Variants in GNG2 observed in about 807,000 individuals in gnomAD.
The protein encoded by GNG2 is guanine nucleotide-binding protein G(I)/G(S)/G(O) subunit gamma-2.
Under a neutral mutation model 5.5 loss-of-function variants are expected in GNG2, and 5 were observed. That is an observed-to-expected ratio of 0.91 (90% CI 0.48 to 1.92). GNG2 has a LOEUF of 1.92. Ranked by LOEUF, GNG2 falls within the 30% of genes most tolerant of loss-of-function variation. The pLI, the probability that GNG2 is intolerant of heterozygous loss-of-function variation, is 0.01. For synonymous variants in GNG2, 28 were observed against 32.0 expected (o/e 0.88, Z 0.42); for missense variants, 55 against 88.4 (o/e 0.62, Z 1.52).
chr14:51,889,151 C>T (rs377302786), intron 2 of GNG2, among the ~76,000 whole-genome samples: 6 of 137,544 alleles, frequency 4.4e-5, no homozygotes, highest in Admixed American at 3.3e-4. Flanking sequence ...CTCGCTCTGT[C>T]GCCTAGGCTG....
At chr14:51,959,426 C>A (rs1167338593) in intron 3 of GNG2, among the ~76,000 whole-genome samples, 1 of 152,062 alleles carries the variant, frequency 6.6e-6, no homozygotes, top group African/African-American at 2.4e-5. Flanking sequence ...TAGAGTTATC[C>A]TTAATTTTCC....
At chr14:51,830,657 C>G (rs1566637811) in intron 2 of GNG2, among the ~76,000 whole-genome samples, 1 of 152,208 alleles carries the variant, frequency 6.6e-6, no homozygotes, top group African/African-American at 2.4e-5. Context: ...GCTCAACTTT[C>G]AATATGTATT....
chr14:51,932,340 G>T (rs1887719896), intron 2 of GNG2, among the ~76,000 whole-genome samples: 2 of 150,848 alleles, frequency 1.3e-5, no homozygotes, highest in African/African-American at 4.9e-5. Context: ...CCTCTCACAT[G>T]CTACAGCATG....
chr14:51,876,485 C>T (rs1400521016), intron 1 of GNG2, among the ~76,000 whole-genome samples: 1 of 152,148 alleles, frequency 6.6e-6, no homozygotes, highest in Non-Finnish European at 1.5e-5. Context: ...CCAGCTTCCA[C>T]TATCACCAAT....
intron 2 of GNG2, among the ~76,000 whole-genome samples, chr14:51,949,014 A>G (rs1888809631): frequency 6.6e-6 from 1 of 151,784 alleles, no homozygotes; most frequent in South Asian, 2.1e-4. Flanking sequence ...CCAGCTTCTC[A>G]GGAGGCTGAG....
At chr14:51,861,791 A>G (rs191620390) in intron 1 of GNG2, among the ~76,000 whole-genome samples, 15 of 152,342 alleles carry the variant, frequency 9.8e-5, no homozygotes, top group Admixed American at 6.5e-4. Context: ...TAGGGAGTTT[A>G]ATACCCTCAT....
intron 1 of GNG2, among the ~76,000 whole-genome samples, chr14:51,867,351 C>G (rs1345540516): frequency 6.6e-6 from 1 of 152,152 alleles, no homozygotes; most frequent in South Asian, 2.1e-4. Context: ...AACATCCAAC[C>G]CACAGAAAAT....
chr14:51,942,771 G>A (rs1295745856), intron 2 of GNG2, among the ~76,000 whole-genome samples: 2 of 151,206 alleles, frequency 1.3e-5, no homozygotes, highest in Non-Finnish European at 3.0e-5. Flanking sequence ...AATTCTTAAA[G>A]AATCAACCTT....
Position 51,937,298 on chromosome 14 carries a change from A to T in GNG2, c.-29-13352A>T, listed in dbSNP as rs80198599. On this transcript the variant is annotated intron_variant, in intron 2 of 3. Transcript: ENST00000556766. ...TTTGACACTTGAATAATGAGGAAAA[A>T]TTAAAATAACTTCATTCTCTAAAGG... Among the ~76,000 whole-genome samples the T allele has an allele frequency of 5.0e-3, 764 of 152,358 alleles. 3 individuals carry two copies. Among genetic ancestry groups the T allele is most frequent in the South Asian group, 0.024 (116 of 4,830 alleles).
At chr14:51,854,571 G>T (rs10143487) in intron 2 of GNG2, among the ~76,000 whole-genome samples, 2 of 152,014 alleles carry the variant, frequency 1.3e-5, no homozygotes, top group Non-Finnish European at 2.9e-5. Flanking sequence ...GTGCAGTGGT[G>T]CTATCTTGGC....
intron 1 of GNG2, among the ~76,000 whole-genome samples, chr14:51,867,196 T>C (rs375362736): frequency 6.6e-6 from 1 of 152,198 alleles, no homozygotes; most frequent in Non-Finnish European, 1.5e-5. Flanking sequence ...TCTTTGGCCA[T>C]TTAATTTCTC....
At chr14:51,874,752 G>T (rs1447501650) in intron 1 of GNG2, among the ~76,000 whole-genome samples, 1 of 151,872 alleles carries the variant, frequency 6.6e-6, no homozygotes, top group Non-Finnish European at 1.5e-5. Context: ...AAAAAGTCGG[G>T]TATCCTCTGA....
chr14:51,881,096 T>C (rs1479366626), intron 2 of GNG2, among the ~76,000 whole-genome samples: 2 of 151,986 alleles, frequency 1.3e-5, no homozygotes, highest in East Asian at 3.9e-4. Context: ...TTGCCTCTGA[T>C]GATGGAAGCT....
chr14:51,927,227 T>A (rs1161245795), intron 2 of GNG2, among the ~76,000 whole-genome samples: 1 of 8,410 alleles, frequency 1.2e-4, no homozygotes, highest in Non-Finnish European at 3.0e-4. Flanking sequence ...TTAAGACTCA[T>A]TGGGTGAATA....
At chr14:51,839,206 T>TTGGCTTTATACATTTTAGGGAGAC (rs1881417842) in intron 2 of GNG2, among the ~76,000 whole-genome samples, 1 of 152,186 alleles carries the variant, frequency 6.6e-6, no homozygotes, top group African/African-American at 2.4e-5. Flanking sequence ...AGGGCATAGC[T>TTGGCTTTATACATTTTAGGGAGAC]TGGCTTTATA....
At chr14:51,906,465 T>C (rs192812997) in intron 2 of GNG2, among the ~76,000 whole-genome samples, 5 of 152,354 alleles carry the variant, frequency 3.3e-5, no homozygotes, top group South Asian at 2.1e-4. Flanking sequence ...TAGAATGCCA[T>C]TATATCTTAG....
intron 2 of GNG2, among the ~76,000 whole-genome samples, chr14:51,911,248 C>A (rs968668322): frequency 6.6e-6 from 1 of 152,120 alleles, no homozygotes; most frequent in Non-Finnish European, 1.5e-5. Context: ...ACCCTATGTA[C>A]ATGTGTATGT....
chr14:51,857,526 T>C (rs1882218338), upstream of GNG2, among the ~76,000 whole-genome samples: 1 of 152,162 alleles, frequency 6.6e-6, no homozygotes, highest in Non-Finnish European at 1.5e-5. Flanking sequence ...GAAAGTGACT[T>C]GATCAACTCT....
chr14:51,934,587 C>G (rs1025033339), intron 2 of GNG2, among the ~76,000 whole-genome samples: 12 of 152,140 alleles, frequency 7.9e-5, no homozygotes, highest in African/African-American at 2.9e-4. Flanking sequence ...AATGACTCAT[C>G]CGTGATCACT....
Sources: gnomAD v4.1 joint callset for allele counts (sites outside exome capture counted in the v4.1 genomes callset) on GRCh38, gnomAD v4.1.1 for gene constraint, MANE v1.5 for transcripts, NCBI Gene and HGNC (gene_info 2026-07-23, HGNC 2026-07-21) for gene names.